The following ISY1 variants were observed in gnomAD, a reference collection of about 807,000 sequenced individuals.
ISY1 encodes ISY1 spliceosome associated protein.
ISY1 carries 12 observed loss-of-function variants against 54.4 expected under a neutral mutation model. That is an observed-to-expected ratio of 0.22 (90% CI 0.14 to 0.36). ISY1 has a LOEUF of 0.36. Ranked by LOEUF, ISY1 falls within the 10% of genes least tolerant of loss-of-function variation. ISY1 has a pLI of 1.00. For missense variants in ISY1, 282 were observed against 342.2 expected (o/e 0.82, Z 1.39); for synonymous variants, 96 against 117.9 (o/e 0.81, Z 1.20).
At chr3:129,142,190 G>A (rs978397797) in intron 6 of ISY1, among the ~76,000 whole-genome samples, 1 of 136,450 alleles carries the variant, frequency 7.3e-6, no homozygotes, top group Non-Finnish European at 1.5e-5. Flanking sequence ...CTGGACGACA[G>A]AGCGAGACTC....
Position 129,134,072 on chromosome 3 carries a change from ACCT to A in ISY1, c.662_663+1del, listed in dbSNP as rs1406851409. The A allele has an allele frequency of 1.5e-5, 25 of 1,613,632 alleles. No homozygotes were observed. Among genetic ancestry groups the A allele is most frequent in the South Asian group, 2.2e-5 (2 of 91,056 alleles). On this transcript the variant is annotated splice_donor_variant and coding_sequence_variant, in exon 9 of 11. Transcript: ENST00000393295. LOFTEE classifies it high-confidence loss of function. ...AGTGCCAGAGGGGGCCAACCCCAAT[ACCT>A]CCTCCTCGGTGACTGCATAGATGTT...
chr3:129,158,093 A>C (rs1937198350), intron 3 of ISY1, among the ~76,000 whole-genome samples: 1 of 151,416 alleles, frequency 6.6e-6, no homozygotes. Flanking sequence ...TCCTGTCCTC[A>C]AGTGATCCAC....
intron 5 of ISY1, among the ~76,000 whole-genome samples, chr3:129,153,630 A>C (rs1222130235): frequency 6.6e-6 from 1 of 151,394 alleles, no homozygotes; most frequent in African/African-American, 2.4e-5. Context: ...AAAAATACAA[A>C]AAAAAATTAG....
At chr3:129,133,471 G>A (rs1936293584) in intron 9 of ISY1, among the ~76,000 whole-genome samples, 1 of 152,176 alleles carries the variant, frequency 6.6e-6, no homozygotes, top group African/African-American at 2.4e-5. Flanking sequence ...CAAGGCAGGT[G>A]GATCACAAGG....
chr3:129,147,209 T>C (rs910736359), intron 5 of ISY1, among the ~76,000 whole-genome samples: 1 of 151,750 alleles, frequency 6.6e-6, no homozygotes, highest in Non-Finnish European at 1.5e-5. Context: ...AGTCCTTGTC[T>C]CTACTAAAAA....
At chr3:129,160,700 C>G (rs1417223001) in intron 1 of ISY1, among the ~76,000 whole-genome samples, 2 of 152,174 alleles carry the variant, frequency 1.3e-5, no homozygotes. Flanking sequence ...GGACCTAGTG[C>G]TTCTCTGTGT....
At chr3:129,143,988 T>G in intron 6 of ISY1, 1 of 172,684 alleles carries the variant, frequency 5.8e-6, no homozygotes, top group Non-Finnish European at 1.2e-5. Context: ...TAAAAATCTC[T>G]GGAAAAAATA....
chr3:129,159,023 A>G (rs1195485228), intron 2 of ISY1, 131 bp downstream of exon 2: 1 of 1,199,930 alleles, frequency 8.3e-7, no homozygotes, highest in African/African-American at 1.5e-5. Context: ...CATATGTAAG[A>G]ACATAACATA....
intron 6 of ISY1, among the ~76,000 whole-genome samples, chr3:129,142,834 C>A (rs1936661495): frequency 6.6e-6 from 1 of 152,138 alleles, no homozygotes; most frequent in Non-Finnish European, 1.5e-5. Flanking sequence ...GCAGGTGGAT[C>A]ACCTGAGGTA....
rs74269425 is a variant in ISY1, at chr3:129,160,026, C to CT, written c.4-851dup. ...TACCTTCTCACAGAAACGGCTACTACTTTTTTTTTTTTTCTTTGAGACGGA... is the reference window on the plus strand; with the variant it reads ...TACCTTCTCACAGAAACGGCTACTACTTTTTTTTTTTTTTCTTTGAGACGGA... On this transcript the variant is annotated intron_variant, in intron 1 of 10. Transcript: ENST00000393295. 2.4e-3 allele frequency among the ~76,000 whole-genome samples: 359 copies of CT among 147,014 alleles called. 2 individuals are homozygous for CT. Among genetic ancestry groups the CT allele is most frequent in the African/African-American group, 4.8e-3 (192 of 40,418 alleles).
chr3:129,143,207 T>G (rs1035599337), intron 6 of ISY1, among the ~76,000 whole-genome samples: 1 of 151,750 alleles, frequency 6.6e-6, no homozygotes, highest in Non-Finnish European at 1.5e-5. Context: ...GAGTAAAATC[T>G]TGTCACAAAA....
rs1481548514 is a variant in ISY1, at chr3:129,127,735, G to A, written c.*2346C>T. On this transcript the variant is annotated 3_prime_UTR_variant, in exon 11 of 11. Coordinates refer to ENST00000393295, the MANE Select transcript of ISY1 (RefSeq NM_020701.4). ...ATCCCTGGCCAGTTTGCATCCCGGG[G>A]ATCCCTGAAGAGATCCCAGGAGGGG... 1 of 152,360 alleles carries A rather than the reference G, an allele frequency of 6.6e-6. No individual in the cohort carries two copies. The highest frequency in any genetic ancestry group is 1.5e-5 in the Non-Finnish European group (1 of 68,100). The allele number at this position is 152,360 out of a possible 1,614,324, so 9.4% of individuals were successfully genotyped here.
At chr3:129,152,126 T>A (rs1936989142) in intron 5 of ISY1, among the ~76,000 whole-genome samples, 1 of 151,644 alleles carries the variant, frequency 6.6e-6, no homozygotes, top group South Asian at 2.1e-4. Context: ...ACCACTGCAC[T>A]CCAGCATGGG....
chr3:129,142,915 C>T (rs547381718), intron 6 of ISY1, among the ~76,000 whole-genome samples: 26 of 151,642 alleles, frequency 1.7e-4, no homozygotes, highest in Admixed American at 1.2e-3. Context: ...ATTAGCTGGG[C>T]GTGGTGGTGG....
At chr3:129,134,416 CA>C (rs1261220567) in intron 8 of ISY1, among the ~76,000 whole-genome samples, 2 of 152,190 alleles carry the variant, frequency 1.3e-5, no homozygotes, top group African/African-American at 4.8e-5. Context: ...GGAACATTCC[CA>C]AATCCTCCCC....
chr3:129,135,875 T>G (rs1560014416), intron 7 of ISY1, among the ~76,000 whole-genome samples: 2 of 152,060 alleles, frequency 1.3e-5, no homozygotes, highest in Non-Finnish European at 2.9e-5. Context: ...TAACCTATGA[T>G]TGTAAATTGC....
intron 6 of ISY1, chr3:129,144,160 A>G (rs922916751): frequency 2.0e-5 from 9 of 443,214 alleles, no homozygotes; most frequent in Admixed American, 1.7e-4. Flanking sequence ...TGAAGAGATC[A>G]GGCAAGGGCT....
rs910968961 is a variant in ISY1 at position 129,134,141 on chromosome 3, C to T, written c.596G>A (p.Arg199Lys). 2 of 1,614,062 alleles carry T rather than the reference C, an allele frequency of 1.2e-6. No individual in the cohort carries two copies. Among genetic ancestry groups the T allele is most frequent in the Admixed American group, 1.7e-5 (1 of 60,002 alleles). The change falls in exon 9 of 11, where the codon AGA becomes AAA. Residue 199 changes from arginine to lysine, a missense_variant. Arg to Lys is a conservative substitution (Grantham distance 26). Transcript: ENST00000393295. ...TTCCTCCTCCTCTTCCTTTTCTCCT[C>T]TTGCCAGCCGAGCCTCTCTCTCTGC... ...WKAEREARLA[R>K]GEKEEEEEEE...
intron 5 of ISY1, among the ~76,000 whole-genome samples, chr3:129,155,779 T>C (rs1003695546): frequency 3.3e-5 from 5 of 151,624 alleles, no homozygotes; most frequent in East Asian, 2.0e-4. Context: ...TGGAATGCAA[T>C]AGTGTGATCT....
Sources: gnomAD v4.1 joint callset for allele counts (sites outside exome capture counted in the v4.1 genomes callset) on GRCh38, gnomAD v4.1.1 for gene constraint, MANE v1.5 for transcripts, NCBI Gene and HGNC (gene_info 2026-07-23, HGNC 2026-07-21) for gene names.